GUK1: variants seen among roughly 807,000 people sequenced by gnomAD.
GUK1 encodes guanylate kinase 1, also known as guanylate kinase.
A neutral mutation model predicts 25.2 loss-of-function variants in GUK1; 18 were observed. That is an observed-to-expected ratio of 0.71 (90% CI 0.49 to 1.06). The LOEUF (loss-of-function observed/expected upper bound fraction) is 1.06, where lower values mean the gene tolerates loss of function less well. Among genes scored for constraint, GUK1 ranks in the 50% least tolerant of loss-of-function variants. The probability of loss-of-function intolerance (pLI) is 0.00; values close to 1 mark genes in which losing one functional copy is unlikely to be tolerated. For synonymous variants in GUK1, 105 were observed against 117.6 expected (o/e 0.89, Z 0.69); for missense variants, 261 against 276.7 (o/e 0.94, Z 0.40).
chr1:228,146,737 G>A, intron 4 of GUK1, 105 bp from the exon 4 acceptor site: 1 of 773,674 alleles, frequency 1.3e-6, no homozygotes, highest in African/African-American at 1.7e-5. Context: ...AAGCAGTCGT[G>A]GGTGTGGGAG....
chr1:228,145,315 C>T (rs1015768927), intron 2 of GUK1, 196 bp from the exon 2 acceptor site: 12 of 500,290 alleles, frequency 2.4e-5, no homozygotes, highest in African/African-American at 6.0e-5. Context: ...GTCTGAGGGC[C>T]GCCCTGTGCA....
intron 4 of GUK1, chr1:228,146,544 T>C: frequency 1.5e-5 from 6 of 394,696 alleles, no homozygotes; most frequent in Middle Eastern, 7.7e-4. Context: ...CCCCACCACC[T>C]TCCCCCAGAA....
At chr1:228,140,626 C>T (rs1412521073) in intron 1 of GUK1, among the ~76,000 whole-genome samples, 2 of 152,246 alleles carry the variant, frequency 1.3e-5, no homozygotes, top group Non-Finnish European at 2.9e-5. Context: ...AGCTGCTCCC[C>T]GGGCGTATAG....
intron 1 of GUK1, chr1:228,141,054 G>A (rs1174905538): frequency 4.3e-6 from 3 of 698,636 alleles, no homozygotes; most frequent in Admixed American, 6.3e-5. Flanking sequence ...GCATGAAAGA[G>A]GTCGGTCCTG....
chr1:228,145,364 A>G, intron 2 of GUK1, 147 bp from the exon 2 acceptor site: 1 of 798,186 alleles, frequency 1.3e-6, no homozygotes, highest in African/African-American at 1.8e-5. Context: ...AGGGGGAAGA[A>G]CACCCAGGCT....
chr1:228,144,389 G>GCC (rs1233877904), intron 2 of GUK1: 1 of 152,376 alleles, frequency 6.6e-6, no homozygotes, highest in Non-Finnish European at 1.5e-5. Flanking sequence ...CTTCCCTCTA[G>GCC]CCCAGCCCCT....
At chr1:228,146,361 A>C in intron 4 of GUK1, 1 of 513,468 alleles carries the variant, frequency 1.9e-6, no homozygotes, top group Non-Finnish European at 3.5e-6. Context: ...CTCGGCACTT[A>C]TCAGCACTTT....
At position 228,141,798 on chromosome 1, in the gene GUK1, C is replaced by T. The variant is rs753414149; in HGVS notation, c.-3+510C>T. ...GCGGCTCCCAGGAGACCTTCCATCT[C>T]GGAGCTCCTGTGGAGACCACGTGCC... On this transcript the variant is annotated intron_variant, in intron 2 of 8. Transcript: ENST00000312726. 6 of 1,256,626 alleles carry T rather than the reference C, an allele frequency of 4.8e-6. No individual in the cohort carries two copies. The South Asian group carries it at 6.7e-5, about 14-fold the overall frequency. 77.8% of individuals were successfully genotyped at this position (1,256,626 alleles called of 1,614,324 possible). A position where few individuals can be genotyped will look rare whatever the true frequency, so the allele number is the denominator to read the frequency against.
chr1:228,148,890 A>C lies in GUK1; in HGVS notation c.*193A>C, dbSNP rs1369413625. ...CCTCGCTGGGCTGTCCCCTGTCCCTATCTCTCACTCTGGACCCAGGGCTGA... is the reference window on the plus strand; with the variant it reads ...CCTCGCTGGGCTGTCCCCTGTCCCTCTCTCTCACTCTGGACCCAGGGCTGA... On this transcript the variant is annotated 3_prime_UTR_variant, in exon 9 of 9. Coordinates refer to ENST00000312726, the MANE Select transcript of GUK1 (RefSeq NM_000858.7). The C allele has an allele frequency of 1.4e-6, 2 of 1,410,076 alleles. No homozygotes were observed. Among genetic ancestry groups the C allele is most frequent in the South Asian group, 2.6e-5 (2 of 78,346 alleles). 87.3% of individuals were successfully genotyped at this position (1,410,076 alleles called of 1,614,324 possible).
rs528044624 is a variant in GUK1, at chr1:228,141,317, G to T, written c.-3+29G>T. 57 of 953,946 alleles carry T rather than the reference G, an allele frequency of 6.0e-5. No homozygotes were observed. The Admixed American group carries it at 2.0e-3, about 34-fold the overall frequency. The allele number at this position is 953,946 out of a possible 1,614,324, so 59.1% of individuals were successfully genotyped here. On this transcript the variant is annotated intron_variant, in intron 2 of 8. Transcript: ENST00000312726. The stretch of plus-strand genomic sequence containing the variant: ...AAGGAATGTTCCTGTCCCCCCCGGG[G>T]AAAGAAAGTGAAAATGAAAGCGCCC...
In GUK1 at chr1:228,148,763, C is replaced by G. The variant is rs191311683; in HGVS notation, c.*66C>G. On this transcript the variant is annotated 3_prime_UTR_variant, in exon 9 of 9. Transcript: ENST00000312726. Reference sequence around the variant, plus strand: ...CCAGGGCAGCAGCATTGAGCCACCCCCTTGGCAGGCGATACGGCAGCTCTG... The same window carrying G: ...CCAGGGCAGCAGCATTGAGCCACCCGCTTGGCAGGCGATACGGCAGCTCTG... 1.1e-4 allele frequency: 172 copies of G among 1,611,056 alleles called. No homozygotes were observed. Among genetic ancestry groups the G allele is most frequent in the Middle Eastern group, 3.3e-4 (2 of 6,060 alleles).
In GUK1 at chr1:228,147,634, G is replaced by A. The variant is rs1373280418; in HGVS notation, c.410G>A (p.Arg137His). ...TTTTAGGAGCAGCGGCTGCGGCAGC[G>A]CAACACTGAAACCGAGGAGAGCCTG... Residue 137 changes from arginine to histidine, a missense_variant, in exon 7 of 9, where the codon CGC becomes CAC. Coordinates refer to ENST00000312726, the MANE Select transcript of GUK1 (RefSeq NM_000858.7). 9.3e-6 allele frequency: 15 copies of A among 1,612,894 alleles called. No individual in the cohort carries two copies. Among genetic ancestry groups the A allele is most frequent in the African/African-American group, 2.7e-5 (2 of 74,910 alleles).
intron 2 of GUK1, among the ~76,000 whole-genome samples, chr1:228,143,840 A>G (rs1433612236): frequency 6.6e-6 from 1 of 152,142 alleles, no homozygotes; most frequent in Non-Finnish European, 1.5e-5. Flanking sequence ...GGTGAGATGA[A>G]AACGATGTGT....
intron 4 of GUK1, 59 bp from the exon 4 acceptor site, chr1:228,146,783 C>T (rs371997337): frequency 8.6e-7 from 1 of 1,162,868 alleles, no homozygotes; most frequent in Non-Finnish European, 1.3e-6. Flanking sequence ...GGGCAGCTGG[C>T]CCTGGGCACC....
intron 4 of GUK1, chr1:228,146,271 G>C (rs2034366707): frequency 1.7e-6 from 1 of 577,140 alleles, no homozygotes; most frequent in Non-Finnish European, 3.1e-6. Context: ...TACAGTGTGA[G>C]AGGCCGGCCA....
intron 2 of GUK1, chr1:228,141,562 G>A: frequency 1.1e-6 from 1 of 876,978 alleles, no homozygotes; most frequent in Non-Finnish European, 1.4e-6. Flanking sequence ...TTCTCAGAAG[G>A]TCAAGCCCTC....
chr1:228,143,174 C>G (rs2034156195), intron 2 of GUK1, among the ~76,000 whole-genome samples: 1 of 152,114 alleles, frequency 6.6e-6, no homozygotes, highest in Non-Finnish European at 1.5e-5. Context: ...GGTTCAGACC[C>G]GAAGAGCTTG....
rs15113 is a variant in GUK1, at chr1:228,141,191, C to T, written c.-100C>T. ...TGCAAGACTCGGCCGGTTTTTCTTT[C>T]TCCCTGATGGACAGACCCAAACATA... On this transcript the variant is annotated 5_prime_UTR_variant, in exon 2 of 9. Coordinates refer to ENST00000312726, the MANE Select transcript of GUK1 (RefSeq NM_000858.7). The T allele has an allele frequency of 4.1e-6, 4 of 984,690 alleles. No homozygotes were observed. The African/African-American group carries it at 5.2e-5, about 13-fold the overall frequency. The allele number at this position is 984,690 out of a possible 1,614,324, so 61.0% of individuals were successfully genotyped here. A position where few individuals can be genotyped will look rare whatever the true frequency, so the allele number is the denominator to read the frequency against.
chr1:228,148,400 A>T lies in GUK1; in HGVS notation c.505A>T (p.Ile169Phe), dbSNP rs1057161242. The change falls in exon 8 of 9, where the codon ATC (isoleucine) becomes TTC (phenylalanine). Residue 169 changes from isoleucine to phenylalanine, a missense_variant. Ile to Phe is a conservative substitution (Grantham distance 21). Coordinates refer to ENST00000312726, the MANE Select transcript of GUK1 (RefSeq NM_000858.7). ...GGAGCCCGGCCTGTTTGATGTGGTCATCATTAACGACAGCCTGGACCAGGC... is the reference window on the plus strand; with the variant it reads ...GGAGCCCGGCCTGTTTGATGTGGTCTTCATTAACGACAGCCTGGACCAGGC... The T allele has an allele frequency of 6.4e-7, 1 of 1,556,898 alleles. No homozygotes were observed. The highest frequency in any genetic ancestry group is 1.4e-5 in the African/African-American group (1 of 73,294).
Sources: allele counts gnomAD v4.1 joint callset (sites outside exome capture counted in the v4.1 genomes callset), GRCh38; gene constraint gnomAD v4.1.1; transcripts MANE v1.5; gene names NCBI Gene and HGNC (gene_info 2026-07-23, HGNC 2026-07-21).